The following SREBF1 variants were observed in gnomAD, a reference collection of about 807,000 sequenced individuals.
The protein encoded by SREBF1 is sterol regulatory element-binding protein 1.
In SREBF1, 45 loss-of-function variants were observed where a neutral mutation model predicts 100.1. The observed-to-expected ratio is 0.45, with a 90% CI of 0.35 to 0.58. The LOEUF (loss-of-function observed/expected upper bound fraction) is 0.58. SREBF1 is among the 20% of genes least tolerant of loss of function. The pLI, the probability that SREBF1 is intolerant of heterozygous loss-of-function variation, is 0.00. For missense variants in SREBF1, 1,324 were observed against 1,539.4 expected, an observed-to-expected ratio of 0.86 and a Z score of 2.34; for synonymous variants, 657 against 681.8, an observed-to-expected ratio of 0.96 and a Z score of 0.57.
At chr17:17,815,726 C>T in intron 12 of SREBF1, 134 bp downstream of exon 12, 3 of 979,804 alleles carry the variant, frequency 3.1e-6, no homozygotes, top group Non-Finnish European at 4.7e-6. Context: ...CTTCCTGCAA[C>T]CCCCACAGCA....
At position 17,819,241 on chromosome 17, in the gene SREBF1, G is replaced by A. The variant is rs1387869827; in HGVS notation, c.847-7C>T. On this transcript the variant is annotated splice_region_variant and splice_polypyrimidine_tract_variant and intron_variant, in intron 4 of 18. Coordinates refer to ENST00000261646, the MANE Select transcript of SREBF1 (RefSeq NM_004176.5). ...TTCCGCCACTCACCAGGGTCTGCAG[G>A]GCCAGGCACATGTTACCAGGTGGGC... 1 of 1,613,972 alleles carries A rather than the reference G, an allele frequency of 6.2e-7. No individual in the cohort carries two copies. Among genetic ancestry groups the A allele is most frequent in the South Asian group, 1.1e-5 (1 of 91,088 alleles).
chr17:17,817,830 T>C lies in SREBF1; in HGVS notation c.1270A>G (p.Thr424Ala), dbSNP rs748289091. The change falls in exon 7 of 19, where the codon ACA becomes GCA. Residue 424 changes from threonine to alanine, a missense_variant. Transcript: ENST00000261646. The surrounding 1 kb of genome is among the most constrained non-coding windows in gnomAD (Gnocchi z 6.6). ...MEGVKTEVED[T>A]LTPPPSDAGS... ...GCATCCGAGGGGGGTGGGGTCAGTG[T>C]GTCCTCCACCTCAGTCTTCACGCCC... is the stretch of plus-strand genomic sequence containing the variant. 27 of 1,611,170 alleles carry C rather than the reference T, an allele frequency of 1.7e-5. No individual in the cohort carries two copies. The highest frequency in any genetic ancestry group is 2.3e-5 in the Non-Finnish European group (27 of 1,179,994).
Position 17,812,273 on chromosome 17 carries a change from A to G in SREBF1, c.*349T>C, listed in dbSNP as rs1272889899. The G allele has an allele frequency of 2.3e-6, 1 of 429,918 alleles. No homozygotes were observed. The highest frequency in any genetic ancestry group is 4.2e-6 in the Non-Finnish European group (1 of 236,630). The allele number at this position is 429,918 out of a possible 1,614,324, so 26.6% of individuals were successfully genotyped here. On this transcript the variant is annotated 3_prime_UTR_variant, in exon 19 of 19. Coordinates refer to ENST00000261646, the MANE Select transcript of SREBF1 (RefSeq NM_004176.5). ...CCCTGCTTGCAGTCCGGGAAAGCCA[A>G]GTTGGCTTCCGTCAGCACAGGGAAA...
Position 17,816,188 on chromosome 17 carries a change from A to ACCCCCCCCACTCCC in SREBF1, c.2214+18_2214+19insGGGAGTGGGGGGGG. On this transcript the variant is annotated intron_variant, in intron 11 of 18. Coordinates refer to ENST00000261646, the MANE Select transcript of SREBF1 (RefSeq NM_004176.5). ...GAGAGAGCTGCAGGGATAAGCCCCC[A>ACCCCCCCCACTCCC]GCCCCCCAACCCACTCACTGTCAGA... The ACCCCCCCCACTCCC allele has an allele frequency of 1.3e-6, 1 of 789,260 alleles. No individual in the cohort carries two copies. The highest frequency in any genetic ancestry group is 3.3e-5 in the Admixed American group (1 of 30,040). The allele number at this position is 789,260 out of a possible 1,614,324, so 48.9% of individuals were successfully genotyped here. A position where few individuals can be genotyped will look rare whatever the true frequency, so the allele number is the denominator to read the frequency against.
Position 17,818,309 on chromosome 17 carries a change from C to T in SREBF1, c.1134G>A (p.Gln378=). 1 of 1,613,946 alleles carries T rather than the reference C, an allele frequency of 6.2e-7. No individual in the cohort carries two copies. The highest frequency in any genetic ancestry group is 8.5e-7 in the Non-Finnish European group (1 of 1,180,018). ...GACTTAGGTTCTCCTGCTTGAGTTTCTGGTTGCTGTGTTGCAGAAAGCGAA... is the reference window on the plus strand; with the variant it reads ...GACTTAGGTTCTCCTGCTTGAGTTTTTGGTTGCTGTGTTGCAGAAAGCGAA... ...DYIRFLQHSN[Q]KLKQENLSLR... The change falls in exon 6 of 19, where the codon CAG becomes CAA. Residue 378 remains glutamine, a synonymous_variant. Transcript: ENST00000261646.
chr17:17,815,520 C>A lies in SREBF1; in HGVS notation c.2384-191G>T, dbSNP rs2033466335. ...TAACTATCACCAGCACCAGCCTTGG[C>A]CAGGAGACAACACTGAGGCCTGCCC... On this transcript the variant is annotated intron_variant, in intron 12 of 18. Coordinates refer to ENST00000261646, the MANE Select transcript of SREBF1 (RefSeq NM_004176.5). The A allele has an allele frequency of 1.5e-5, 9 of 604,502 alleles. No individual in the cohort carries two copies. In the East Asian group the frequency reaches 2.5e-4, roughly 17 times the overall value. The allele number at this position is 604,502 out of a possible 1,614,324, so 37.4% of individuals were successfully genotyped here.
rs745830874 is a variant in SREBF1, at chr17:17,812,716, C to T, written c.3350G>A (p.Arg1117His). 2.5e-6 allele frequency: 4 copies of T among 1,592,260 alleles called. No homozygotes were observed. Among genetic ancestry groups the T allele is most frequent in the East Asian group, 2.3e-5 (1 of 43,866 alleles). Reference sequence around the variant, plus strand: ...GCGATCGCCAAGCTTCTCGAGTGTGCGCGCCGCCTCAGCCAGCATGCCCAC... The same window carrying T: ...GCGATCGCCAAGCTTCTCGAGTGTGTGCGCCGCCTCAGCCAGCATGCCCAC... ...QRVGMLAEAA[R>H]TLEKLGDRRL... Residue 1117 changes from arginine (R) to histidine (H), a missense_variant, in exon 19 of 19, where the codon CGC (arginine) becomes CAC (histidine). Physicochemically the swap from Arg to His is conservative, Grantham distance 29. Transcript: ENST00000261646.
chr17:17,822,124 A>G (rs1322236021), intron 1 of SREBF1, among the ~76,000 whole-genome samples: 3 of 152,252 alleles, frequency 2.0e-5, no homozygotes, highest in Non-Finnish European at 4.4e-5. Flanking sequence ...TGGAGACAAG[A>G]AAAGACACTG....
chr17:17,816,811 G>A (rs1178802608), intron 9 of SREBF1, 93 bp from the exon 10 acceptor site: 1 of 1,575,060 alleles, frequency 6.3e-7, no homozygotes, highest in Admixed American at 1.8e-5. Context: ...CTGGAGGGGT[G>A]GTGGGGGTCT....
At chr17:17,821,272 C>A (rs1195158333) in intron 1 of SREBF1, among the ~76,000 whole-genome samples, 3 of 152,174 alleles carry the variant, frequency 2.0e-5, no homozygotes, top group Non-Finnish European at 1.5e-5. Context: ...CACAGTCCAT[C>A]ACCCCCAACC....
rs1013877982 is a variant in SREBF1, at chr17:17,824,422, C to G, written c.92-3901G>C. ...TCCCCCTCAAGGCCTCACAACCCAG[C>G]AGTCACCAAGTGAGTCCCGACCCAC... On this transcript the variant is annotated intron_variant, in intron 1 of 18. Coordinates refer to ENST00000261646, the MANE Select transcript of SREBF1 (RefSeq NM_004176.5). This position sits in a 1 kb window ranked among gnomAD's most constrained non-coding sequence, Gnocchi z 4.2. Among the ~76,000 whole-genome samples the G allele has an allele frequency of 6.6e-6, 1 of 152,196 alleles. No homozygotes were observed. Among genetic ancestry groups the G allele is most frequent in the Non-Finnish European group, 1.5e-5 (1 of 68,038 alleles).
chr17:17,816,452 C>G lies in SREBF1; in HGVS notation c.2047+5G>C, dbSNP rs749760887. The G allele has an allele frequency of 6.2e-7, 1 of 1,605,952 alleles. No homozygotes were observed. The highest frequency in any genetic ancestry group is 2.2e-5 in the East Asian group (1 of 44,548). On this transcript the variant is annotated splice_donor_5th_base_variant and intron_variant, in intron 10 of 18. Coordinates refer to ENST00000261646, the MANE Select transcript of SREBF1 (RefSeq NM_004176.5). ...CCTCGGAGCCCGCCCCACGCTCAGT[C>G]CTACCCATGGTGTGCAGCTGGTGCA...
At chr17:17,831,973 CT>C (rs2034889967) in intron 1 of SREBF1, among the ~76,000 whole-genome samples, 1 of 152,224 alleles carries the variant, frequency 6.6e-6, no homozygotes, top group Non-Finnish European at 1.5e-5. Context: ...TCAAACACTG[CT>C]CTGGACTGGG....
chr17:17,830,159 G>A lies in SREBF1; in HGVS notation c.91+6568C>T, dbSNP rs774405847. On this transcript the variant is annotated intron_variant, in intron 1 of 18. Transcript: ENST00000261646. ...ACATTTGTTGAGCTAAACCTATCGCGTGCCAGGTACTGGTTAGGTGCTCTA... is the reference window on the plus strand; with the variant it reads ...ACATTTGTTGAGCTAAACCTATCGCATGCCAGGTACTGGTTAGGTGCTCTA... Among the ~76,000 whole-genome samples, 10 of 151,998 alleles carry A rather than the reference G, an allele frequency of 6.6e-5. No individual in the cohort carries two copies. In the East Asian group the frequency reaches 1.6e-3, roughly 24 times the overall value.
intron 1 of SREBF1, among the ~76,000 whole-genome samples, chr17:17,830,594 G>T (rs2034797994): frequency 6.6e-6 from 1 of 152,226 alleles, no homozygotes; most frequent in South Asian, 2.1e-4. Flanking sequence ...GCAGAGGCAA[G>T]GCCTGCTGGG....
chr17:17,818,976 G>T, intron 5 of SREBF1, 37 bp downstream of exon 5: 1 of 1,603,856 alleles, frequency 6.2e-7, no homozygotes, highest in South Asian at 1.1e-5. Context: ...CCTTCCTAGG[G>T]ACACCCCGGT....
At chr17:17,828,338 G>C (rs191301839) in intron 1 of SREBF1, among the ~76,000 whole-genome samples, 1 of 152,084 alleles carries the variant, frequency 6.6e-6, no homozygotes, top group African/African-American at 2.4e-5. Context: ...CCCTCCACAT[G>C]CCAGCTCCCA....
In SREBF1 at chr17:17,812,277, G is replaced by A. The variant is rs2032953625; in HGVS notation, c.*345C>T. On this transcript the variant is annotated 3_prime_UTR_variant, in exon 19 of 19. Coordinates refer to ENST00000261646, the MANE Select transcript of SREBF1 (RefSeq NM_004176.5). ...GCTTGCAGTCCGGGAAAGCCAAGTT[G>A]GCTTCCGTCAGCACAGGGAAATGTA... The A allele has an allele frequency of 2.3e-6, 1 of 438,092 alleles. No individual in the cohort carries two copies. Among genetic ancestry groups the A allele is most frequent in the Admixed American group, 4.0e-5 (1 of 24,720 alleles). 27.1% of individuals were successfully genotyped at this position (438,092 alleles called of 1,614,324 possible).
intron 1 of SREBF1, chr17:17,820,994 G>C (rs926994255): frequency 3.1e-5 from 6 of 192,750 alleles, no homozygotes; most frequent in African/African-American, 1.4e-4. Context: ...GCCAGGCACT[G>C]CTCCCGGCTG....
Sources: gnomAD v4.1 joint callset for allele counts (sites outside exome capture counted in the v4.1 genomes callset) on GRCh38, gnomAD v4.1.1 for gene constraint, Gnocchi (gnomAD v3.1) non-coding constraint, MANE v1.5 for transcripts, NCBI Gene and HGNC (gene_info 2026-07-23, HGNC 2026-07-21) for gene names.